CPE: variants seen among roughly 807,000 people sequenced by gnomAD.
CPE encodes the protein carboxypeptidase E.
Under a neutral mutation model 53.5 loss-of-function variants are expected in CPE, and 17 were observed. The observed-to-expected ratio is 0.32, with a 90% CI of 0.22 to 0.48. The LOEUF (loss-of-function observed/expected upper bound fraction) is 0.48. CPE is among the 20% of genes least tolerant of loss of function. The probability of loss-of-function intolerance (pLI) is 0.99; values close to 1 mark genes in which losing one functional copy is unlikely to be tolerated. For missense variants in CPE, 524 were observed against 614.7 expected (o/e 0.85, Z 1.56); for synonymous variants, 226 against 228.8 (o/e 0.99, Z 0.11).
chr4:165,491,545 T>G, intron 6 of CPE, among the ~76,000 whole-genome samples: 1 of 152,156 alleles, frequency 6.6e-6, no homozygotes. Flanking sequence ...ATGGCTGAAT[T>G]TCAAACTCTT....
At chr4:165,469,912 C>T (rs947109824) in intron 3 of CPE, among the ~76,000 whole-genome samples, 2 of 152,100 alleles carry the variant, frequency 1.3e-5, no homozygotes, top group African/African-American at 4.8e-5. Context: ...ATGAAGGATC[C>T]AGGAGACAGG....
In CPE at chr4:165,401,225, G is replaced by T. The variant is rs549087192; in HGVS notation, c.307+21697G>T. Among the ~76,000 whole-genome samples, 39 of 152,136 alleles carry T rather than the reference G, an allele frequency of 2.6e-4. No homozygotes were observed. The East Asian group carries it at 6.8e-3, about 26-fold the overall frequency. ...TGCCATTGCTTAGAGTTCTGTTCTTGGTTTCTTCTCTTCGTTACACGCCTT... is the reference window on the plus strand; with the variant it reads ...TGCCATTGCTTAGAGTTCTGTTCTTTGTTTCTTCTCTTCGTTACACGCCTT... On this transcript the variant is annotated intron_variant, in intron 1 of 8. Transcript: ENST00000402744.
In CPE at chr4:165,498,460, G is replaced by A. The variant is rs1329061213; in HGVS notation, c.*850G>A. 6.6e-6 allele frequency: 1 copy of A among 152,136 alleles called. No individual in the cohort carries two copies. Among genetic ancestry groups the A allele is most frequent in the Middle Eastern group, 3.2e-3 (1 of 316 alleles). The allele number at this position is 152,136 out of a possible 1,614,324, so 9.4% of individuals were successfully genotyped here. On this transcript the variant is annotated 3_prime_UTR_variant, in exon 9 of 9. Transcript: ENST00000402744. ...TTGTTAAGCAACTACTGTGTGCTAA[G>A]CACTGCATAGCCTCTATGTATGTTA...
intron 1 of CPE, among the ~76,000 whole-genome samples, chr4:165,462,763 A>G (rs928297872): frequency 1.3e-5 from 2 of 152,146 alleles, no homozygotes; most frequent in African/African-American, 2.4e-5. Context: ...GTAAAAACTG[A>G]GGGGGGTATA....
At chr4:165,483,810 G>A (rs181782213) in intron 4 of CPE, among the ~76,000 whole-genome samples, 2 of 152,116 alleles carry the variant, frequency 1.3e-5, no homozygotes, top group African/African-American at 2.4e-5. Flanking sequence ...TTTTTAATGG[G>A]GTTGTTGGGA....
chr4:165,401,171 G>A (rs1304273758), intron 1 of CPE, among the ~76,000 whole-genome samples: 1 of 152,046 alleles, frequency 6.6e-6, no homozygotes, highest in Admixed American at 6.6e-5. Flanking sequence ...CTTTTCTGCG[G>A]CCTTCTCTTC....
chr4:165,395,578 T>C (rs1730750107), intron 1 of CPE, among the ~76,000 whole-genome samples: 1 of 152,196 alleles, frequency 6.6e-6, no homozygotes, highest in Admixed American at 6.5e-5. Context: ...TGATGAAAAA[T>C]GTGTGAACCA....
intron 1 of CPE, among the ~76,000 whole-genome samples, chr4:165,454,043 T>G (rs1172730926): frequency 6.6e-6 from 1 of 152,282 alleles, no homozygotes; most frequent in East Asian, 1.9e-4. Flanking sequence ...CAGCTCTGAT[T>G]TGTAGCATTG....
intron 1 of CPE, among the ~76,000 whole-genome samples, chr4:165,441,105 A>C (rs1731602222): frequency 6.6e-6 from 1 of 152,116 alleles, no homozygotes; most frequent in Admixed American, 6.6e-5. Flanking sequence ...CAGTATTCCC[A>C]GGGGGTGACC....
At chr4:165,424,152 A>G (rs1395360739) in intron 1 of CPE, among the ~76,000 whole-genome samples, 1 of 151,840 alleles carries the variant, frequency 6.6e-6, no homozygotes, top group African/African-American at 2.4e-5. Flanking sequence ...TACTCACTAG[A>G]TATTTTGCCT....
rs536514406 is a variant in CPE, at chr4:165,438,586, C to T, written c.308-25804C>T. On this transcript the variant is annotated intron_variant, in intron 1 of 8. Transcript: ENST00000402744. The stretch of plus-strand genomic sequence containing the variant: ...TCATAACCCTTGCTCCTGGGTCCTA[C>T]AGTTTAGTGGGAAAGACAAATGGAT... 4.6e-5 allele frequency among the ~76,000 whole-genome samples: 7 copies of T among 152,210 alleles called. No homozygotes were observed. The South Asian group carries it at 1.2e-3, about 27-fold the overall frequency.
intron 1 of CPE, chr4:165,406,009 G>A (rs1322536527): frequency 2.7e-6 from 2 of 752,504 alleles, no homozygotes; most frequent in East Asian, 2.5e-5. Context: ...CTTCTTGAGG[G>A]GTCTTGCAAG....
intron 1 of CPE, among the ~76,000 whole-genome samples, chr4:165,427,641 C>T (rs1473792912): frequency 6.6e-6 from 1 of 152,160 alleles, no homozygotes; most frequent in Non-Finnish European, 1.5e-5. Context: ...AGGAGATTGT[C>T]TTCCATAGCA....
At chr4:165,382,356 A>G (rs934034951) in intron 1 of CPE, among the ~76,000 whole-genome samples, 2 of 152,198 alleles carry the variant, frequency 1.3e-5, no homozygotes, top group Non-Finnish European at 2.9e-5. Flanking sequence ...AAAAAGGGCC[A>G]ATTGTCTTTA....
chr4:165,487,673 G>A lies in CPE; in HGVS notation c.1113+96G>A, dbSNP rs932416328. On this transcript the variant is annotated intron_variant, in intron 6 of 8. Coordinates refer to ENST00000402744, the MANE Select transcript of CPE (RefSeq NM_001873.4). ...AGAGGAGTCCAGGAGAATCCGTCTG[G>A]TGCAGAATGAGGATGCCATATTTGG... 2.1e-4 allele frequency: 285 copies of A among 1,365,496 alleles called. 1 individual carries two copies. The highest frequency in any genetic ancestry group is 2.5e-4 in the Non-Finnish European group (246 of 996,310). The allele number at this position is 1,365,496 out of a possible 1,614,324, so 84.6% of individuals were successfully genotyped here. A position where few individuals can be genotyped will look rare whatever the true frequency, so the allele number is the denominator to read the frequency against.
chr4:165,469,703 C>T (rs1002468253), intron 3 of CPE, among the ~76,000 whole-genome samples: 1 of 152,104 alleles, frequency 6.6e-6, no homozygotes. Flanking sequence ...ACCTGTTTTC[C>T]CCTTTGATTC....
chr4:165,488,945 G>T (rs536405617), intron 6 of CPE, among the ~76,000 whole-genome samples: 1 of 152,166 alleles, frequency 6.6e-6, no homozygotes, highest in Admixed American at 6.5e-5. Flanking sequence ...AGGGACTGTC[G>T]TGGAATAGAT....
chr4:165,405,513 CT>C, intron 1 of CPE: 4 of 952,440 alleles, frequency 4.2e-6, no homozygotes, highest in Non-Finnish European at 6.9e-6. Flanking sequence ...TTTTCTTCCA[CT>C]TTTTTGTAAA....
intron 1 of CPE, among the ~76,000 whole-genome samples, chr4:165,427,694 C>T (rs1409128212): frequency 6.6e-6 from 1 of 152,170 alleles, no homozygotes; most frequent in Non-Finnish European, 1.5e-5. Context: ...CCCCAAGGCT[C>T]TGACGGAAGT....
Sources: allele counts gnomAD v4.1 joint callset (sites outside exome capture counted in the v4.1 genomes callset), GRCh38; gene constraint gnomAD v4.1.1; transcripts MANE v1.5; gene names NCBI Gene and HGNC (gene_info 2026-07-23, HGNC 2026-07-21).